SH3TC2: variants seen among roughly 807,000 people sequenced by gnomAD.
The protein encoded by SH3TC2 is SH3 domain and tetratricopeptide repeats 2.
Under a neutral mutation model 124.5 loss-of-function variants are expected in SH3TC2, and 87 were observed. The observed-to-expected ratio is 0.70, with a 90% CI of 0.59 to 0.84. The LOEUF (loss-of-function observed/expected upper bound fraction) is 0.84, where lower values mean the gene tolerates loss of function less well. SH3TC2 is among the 40% of genes least tolerant of loss of function. SH3TC2 has a pLI of 0.00. For synonymous variants in SH3TC2, 634 were observed against 628.5 expected, an observed-to-expected ratio of 1.01 and a Z score of -0.13; for missense variants, 1,536 against 1,566.4, an observed-to-expected ratio of 0.98 and a Z score of 0.33.
Position 149,012,586 on chromosome 5 carries a change from G to A in SH3TC2, c.3202C>T (p.Gln1068Ter), listed in dbSNP as rs774698284. 1 of 1,614,036 alleles carries A rather than the reference G, an allele frequency of 6.2e-7. No homozygotes were observed. Among genetic ancestry groups the A allele is most frequent in the Non-Finnish European group, 8.5e-7 (1 of 1,180,038 alleles). The change falls in exon 13 of 17, where the codon CAG (glutamine) becomes TAG (stop). Residue 1068 changes from glutamine to a stop codon, truncating the protein, a stop_gained and splice_region_variant. Coordinates refer to ENST00000515425, the MANE Select transcript of SH3TC2 (RefSeq NM_024577.4). LOFTEE classifies it high-confidence loss of function. ...AGAGAGCTCTGCAGGAGGCCTACCT[G>A]CAGGCACAGCTCCACCAGCTCGTCT... ...QEDELVELCLQAAIQTALKSE... is the reference protein window; with the variant it reads ...QEDELVELCL
At chr5:149,026,536 A>T in intron 12 of SH3TC2, 36 bp downstream of exon 12, 1 of 1,611,768 alleles carries the variant, frequency 6.2e-7, no homozygotes, top group Non-Finnish European at 8.5e-7. Flanking sequence ...TAAGGAAGGA[A>T]AGCTGCTTCT....
In SH3TC2 at chr5:148,988,083, C is replaced by T. The variant is rs1048218251; in HGVS notation, c.*16628G>A. Among the ~76,000 whole-genome samples the T allele has an allele frequency of 6.6e-6, 1 of 152,106 alleles. No individual in the cohort carries two copies. Among genetic ancestry groups the T allele is most frequent in the Non-Finnish European group, 1.5e-5 (1 of 68,024 alleles). ...GGTGACTTACCTAATATTTTTCCTG[C>T]ATGTCTTAAGGACAAGGCTGGGTTC... On this transcript the variant is annotated 3_prime_UTR_variant, in exon 17 of 17. Coordinates refer to ENST00000515425, the MANE Select transcript of SH3TC2 (RefSeq NM_024577.4).
Position 149,041,562 on chromosome 5 carries a change from CCCTT to C in SH3TC2, c.581_584del (p.Glu194GlyfsTer4). ...CATTCTTGCAAAGTGTCAAGCATTC[CCCTT>C]CCTTCTCGGCTGGTGGAGTCACGGA... On this transcript the variant is annotated frameshift_variant, in exon 6 of 17. Coordinates refer to ENST00000515425, the MANE Select transcript of SH3TC2 (RefSeq NM_024577.4). LOFTEE classifies it high-confidence loss of function. 3.1e-6 allele frequency: 5 copies of C among 1,614,204 alleles called. No individual in the cohort carries two copies. The highest frequency in any genetic ancestry group is 4.2e-6 in the Non-Finnish European group (5 of 1,180,042).
intron 12 of SH3TC2, among the ~76,000 whole-genome samples, chr5:149,012,974 G>A (rs1753809426): frequency 6.6e-6 from 1 of 152,138 alleles, no homozygotes; most frequent in South Asian, 2.1e-4. Flanking sequence ...GCCCACCTGA[G>A]CGGATTGTTG....
rs779223727 is a variant in SH3TC2, at chr5:149,027,061, C to T, written c.2671G>A (p.Ala891Thr). Residue 891 changes from alanine (A) to threonine (T), a missense_variant, in exon 11 of 17, where the codon GCT (alanine) becomes ACT (threonine). Around this residue, in one of 3 missense-constraint regions of SH3TC2, gnomAD observed 1,102 missense variants for 1,098.6 expected, o/e 1.00. Transcript: ENST00000515425. ...NLGHLSLKSW[A>T]QHPARNYLLQ... The stretch of plus-strand genomic sequence containing the variant: ...AGATAGTTTCTGGCTGGATGCTGAG[C>T]CCAGGACTTAAGGCTCAGGTGGCCA... The T allele has an allele frequency of 3.0e-5, 49 of 1,614,150 alleles. No homozygotes were observed. Among genetic ancestry groups the T allele is most frequent in the Non-Finnish European group, 3.9e-5 (46 of 1,180,014 alleles).
At position 149,036,377 on chromosome 5, in the gene SH3TC2, T is replaced by TC. The variant is rs547860141; in HGVS notation, c.1001+1917dup. Among the ~76,000 whole-genome samples the TC allele has an allele frequency of 1.2e-4, 19 of 152,092 alleles. No homozygotes were observed. The East Asian group carries it at 3.5e-3, about 28-fold the overall frequency. ...TGACAGCACAGGTGTCAGCCCCGCC[T>TC]CCCCCGCAGCTTGTTTCTTCCTCTC... On this transcript the variant is annotated intron_variant, in intron 8 of 16. Transcript: ENST00000515425.
chr5:149,039,525 G>T (rs1479285521), intron 7 of SH3TC2, among the ~76,000 whole-genome samples: 1 of 152,170 alleles, frequency 6.6e-6, no homozygotes. Context: ...CAAGTTTCTA[G>T]ATTGTGTTTT....
Position 148,997,979 on chromosome 5 carries a change from C to T in SH3TC2, c.*6732G>A, listed in dbSNP as rs1317369816. 6.6e-6 allele frequency among the ~76,000 whole-genome samples: 1 copy of T among 152,162 alleles called. No homozygotes were observed. The highest frequency in any genetic ancestry group is 1.5e-5 in the Non-Finnish European group (1 of 68,026). ...GAAGTAAGATATCCATCAAATAATA[C>T]ATAGAAAAGAACAAAGGCTGGAGCC... On this transcript the variant is annotated 3_prime_UTR_variant, in exon 17 of 17. Transcript: ENST00000515425.
At chr5:149,013,448 A>C (rs746513233) in intron 12 of SH3TC2, among the ~76,000 whole-genome samples, 1 of 152,226 alleles carries the variant, frequency 6.6e-6, no homozygotes, top group Non-Finnish European at 1.5e-5. Context: ...ACCCAGTCTC[A>C]GGTATGTCTT....
rs1018452391 is a variant in SH3TC2 at position 148,999,260 on chromosome 5, C to G, written c.*5451G>C. Among the ~76,000 whole-genome samples, 2 of 152,226 alleles carry G rather than the reference C, an allele frequency of 1.3e-5. No individual in the cohort carries two copies. The highest frequency in any genetic ancestry group is 4.8e-5 in the African/African-American group (2 of 41,452). On this transcript the variant is annotated 3_prime_UTR_variant, in exon 17 of 17. Coordinates refer to ENST00000515425, the MANE Select transcript of SH3TC2 (RefSeq NM_024577.4). ...CTTCTCAATGTCAAGGCTTACATGC[C>G]TCCAAAGATGGATTTCCTTTTTAGC...
At position 149,006,874 on chromosome 5, in the gene SH3TC2, C is replaced by T. The variant is rs1248139951; in HGVS notation, c.3675+7G>A. 1.9e-6 allele frequency: 3 copies of T among 1,612,882 alleles called. No individual in the cohort carries two copies. The highest frequency in any genetic ancestry group is 1.3e-5 in the African/African-American group (1 of 74,898). ...CTGTCAGGAAATCTGGGAAGTCTGG[C>T]TCTTACCTTCAGCTGGCAGAAGGTG... is the stretch of plus-strand genomic sequence containing the variant. On this transcript the variant is annotated splice_region_variant and intron_variant, in intron 16 of 16. Coordinates refer to ENST00000515425, the MANE Select transcript of SH3TC2 (RefSeq NM_024577.4).
At chr5:149,017,458 G>A (rs778559029) in intron 12 of SH3TC2, among the ~76,000 whole-genome samples, 1 of 152,180 alleles carries the variant, frequency 6.6e-6, no homozygotes, top group Non-Finnish European at 1.5e-5. Flanking sequence ...GGACAGAAAA[G>A]TGTCCCAGAG....
rs374384621 is a variant in SH3TC2 at position 148,995,347 on chromosome 5, G to A, written c.*9364C>T. Among the ~76,000 whole-genome samples the A allele has an allele frequency of 1.3e-5, 2 of 152,154 alleles. No homozygotes were observed. Among genetic ancestry groups the A allele is most frequent in the South Asian group, 4.1e-4 (2 of 4,824 alleles). On this transcript the variant is annotated 3_prime_UTR_variant, in exon 17 of 17. Transcript: ENST00000515425. ...AGGGGAGATAAGGTCACCTTCTTTG[G>A]AGGATCATTTGGAGGATCAAATCCT...
At position 148,996,243 on chromosome 5, in the gene SH3TC2, G is replaced by A. The variant is rs1299625940; in HGVS notation, c.*8468C>T. Reference sequence around the variant, plus strand: ...CCACTGCACTCCAGCCTGGGCAACAGAGTGAGACCCTGCCTAAATAAGAGA... The same window carrying A: ...CCACTGCACTCCAGCCTGGGCAACAAAGTGAGACCCTGCCTAAATAAGAGA... On this transcript the variant is annotated 3_prime_UTR_variant, in exon 17 of 17. Coordinates refer to ENST00000515425, the MANE Select transcript of SH3TC2 (RefSeq NM_024577.4). Among the ~76,000 whole-genome samples, 2 of 152,076 alleles carry A rather than the reference G, an allele frequency of 1.3e-5. No homozygotes were observed. Among genetic ancestry groups the A allele is most frequent in the Non-Finnish European group, 2.9e-5 (2 of 68,020 alleles).
chr5:149,007,145 T>A, intron 15 of SH3TC2, 68 bp from the exon 16 acceptor site: 1 of 1,526,146 alleles, frequency 6.6e-7, no homozygotes, highest in South Asian at 1.1e-5. Context: ...CACTCATTCA[T>A]TCCATAAAAC....
rs1753508079 is a variant in SH3TC2 at position 148,996,255 on chromosome 5, G to A, written c.*8456C>T. Among the ~76,000 whole-genome samples the A allele has an allele frequency of 6.6e-6, 1 of 151,862 alleles. No individual in the cohort carries two copies. The highest frequency in any genetic ancestry group is 2.4e-5 in the African/African-American group (1 of 41,278). The stretch of plus-strand genomic sequence containing the variant: ...AGCCTGGGCAACAGAGTGAGACCCT[G>A]CCTAAATAAGAGAGAAAGAGAGAGA... On this transcript the variant is annotated 3_prime_UTR_variant, in exon 17 of 17. Transcript: ENST00000515425.
Position 149,038,388 on chromosome 5 carries a change from G to T in SH3TC2, c.908C>A (p.Pro303His), listed in dbSNP as rs778572329. ...CTTTCCAATGAACCACTGAAGCCCA[G>T]GTATGACAAAGCCGATGATCTCAAT... ...ESIEIIGFVI[P>H]GLQWFIGKST... is the part of the protein sequence containing the mutation. Residue 303 changes from proline (P) to histidine (H), a missense_variant, in exon 8 of 17, where the codon CCT becomes CAT. Pro to His is a moderately conservative substitution (Grantham distance 77). Transcript: ENST00000515425. 19 of 1,614,048 alleles carry T rather than the reference G, an allele frequency of 1.2e-5. 1 individual carries two copies. The highest frequency in any genetic ancestry group is 4.0e-5 in the African/African-American group (3 of 74,934).
rs1753472598 is a variant in SH3TC2 at position 148,994,574 on chromosome 5, G to A, written c.*10137C>T. On this transcript the variant is annotated 3_prime_UTR_variant, in exon 17 of 17. Coordinates refer to ENST00000515425, the MANE Select transcript of SH3TC2 (RefSeq NM_024577.4). ...TGGTTAGTTGGTTGTTTCATTGGTT[G>A]GGTATGTGGGTGGTTGGGTGGTTAG... Among the ~76,000 whole-genome samples, 1 of 151,792 alleles carries A rather than the reference G, an allele frequency of 6.6e-6. No homozygotes were observed. Among genetic ancestry groups the A allele is most frequent in the African/African-American group, 2.4e-5 (1 of 41,286 alleles).
Position 148,983,950 on chromosome 5 carries a change from T to C in SH3TC2, c.*20761A>G, listed in dbSNP as rs1753293756. ...TATCAACCTGCTCCTGGAACCAGTG[T>C]GGTTTTTAAGTCACTTGAACCAATA... On this transcript the variant is annotated 3_prime_UTR_variant, in exon 17 of 17. Transcript: ENST00000515425. 6.6e-6 allele frequency among the ~76,000 whole-genome samples: 1 copy of C among 152,226 alleles called. No homozygotes were observed. The highest frequency in any genetic ancestry group is 1.5e-5 in the Non-Finnish European group (1 of 68,036).
Sources: gnomAD v4.1 joint callset for allele counts (sites outside exome capture counted in the v4.1 genomes callset) on GRCh38, gnomAD v4.1.1 for gene constraint, gnomAD v4.1.1 regional missense constraint, MANE v1.5 for transcripts, NCBI Gene and HGNC (gene_info 2026-07-23, HGNC 2026-07-21) for gene names.